The following TMEM132D variants were observed in gnomAD, a reference collection of about 807,000 sequenced individuals.
The protein encoded by TMEM132D is transmembrane protein 132D.
TMEM132D carries 21 observed loss-of-function variants against 62.3 expected under a neutral mutation model. That is an observed-to-expected ratio of 0.34 (90% confidence interval 0.24 to 0.49). The LOEUF (loss-of-function observed/expected upper bound fraction) is 0.49, where lower values mean the gene tolerates loss of function less well. Among genes scored for constraint, TMEM132D ranks in the 20% least tolerant of loss-of-function variants. The probability of loss-of-function intolerance (pLI) is 0.99; values close to 1 mark genes in which losing one functional copy is unlikely to be tolerated. For synonymous variants in TMEM132D, 621 were observed against 575.6 expected, an observed-to-expected ratio of 1.08 and a Z score of -1.13; for missense variants, 1,346 against 1,402.8, an observed-to-expected ratio of 0.96 and a Z score of 0.65.
intron 5 of TMEM132D, among the ~76,000 whole-genome samples, chr12:129,140,212 T>TA (rs1876698295): frequency 4.4e-5 from 2 of 45,048 alleles, no homozygotes; most frequent in African/African-American, 1.4e-4. Context: ...TAGGCGCTGT[T>TA]ACCACACACA....
chr12:129,135,495 C>T (rs754999665), intron 5 of TMEM132D, among the ~76,000 whole-genome samples: 9 of 152,282 alleles, frequency 5.9e-5, no homozygotes, highest in East Asian at 5.8e-4. Flanking sequence ...GGTTAGCAAT[C>T]GCTGGCACAA....
intron 3 of TMEM132D, among the ~76,000 whole-genome samples, chr12:129,375,921 G>A (rs1048138421): frequency 1.3e-5 from 2 of 152,114 alleles, no homozygotes; most frequent in Admixed American, 6.5e-5. Flanking sequence ...ATTTTAAATC[G>A]ATCTGGACTA....
chr12:129,244,042 C>A (rs1251823000), intron 4 of TMEM132D, among the ~76,000 whole-genome samples: 1 of 152,110 alleles, frequency 6.6e-6, no homozygotes, highest in Non-Finnish European at 1.5e-5. Flanking sequence ...GATAGTCATT[C>A]TTCCAAGGAC....
At chr12:129,405,033 A>G (rs1042084709) in intron 3 of TMEM132D, among the ~76,000 whole-genome samples, 1 of 152,232 alleles carries the variant, frequency 6.6e-6, no homozygotes, top group Non-Finnish European at 1.5e-5. Context: ...GGACTCCTCC[A>G]TGTATATCTT....
intron 4 of TMEM132D, among the ~76,000 whole-genome samples, chr12:129,335,427 C>A (rs915333853): frequency 6.6e-6 from 1 of 152,042 alleles, no homozygotes; most frequent in Non-Finnish European, 1.5e-5. Flanking sequence ...CATGAGCCAC[C>A]GCACCTAGTC....
At chr12:129,186,015 CAG>C (rs1333463838) in intron 5 of TMEM132D, among the ~76,000 whole-genome samples, 2 of 152,150 alleles carry the variant, frequency 1.3e-5, no homozygotes, top group African/African-American at 4.8e-5. Flanking sequence ...AGGGTTGCAC[CAG>C]AGAGTCAGAA....
At chr12:129,404,197 G>GTTT (rs141807510) in intron 3 of TMEM132D, among the ~76,000 whole-genome samples, 12 of 151,586 alleles carry the variant, frequency 7.9e-5, no homozygotes, top group Non-Finnish European at 1.6e-4. Context: ...GGGTTATTTA[G>GTTT]TTATTTATTT....
At chr12:129,248,118 T>A (rs1369578746) in intron 4 of TMEM132D, among the ~76,000 whole-genome samples, 1 of 152,216 alleles carries the variant, frequency 6.6e-6, no homozygotes, top group Non-Finnish European at 1.5e-5. Flanking sequence ...TATCTAATAA[T>A]TCTCAGTAAT....
At chr12:129,129,948 C>T (rs1052895145) in intron 5 of TMEM132D, among the ~76,000 whole-genome samples, 2 of 151,442 alleles carry the variant, frequency 1.3e-5, no homozygotes, top group Admixed American at 6.6e-5. Flanking sequence ...CCTAGCCCAA[C>T]CTATTCTTTG....
At chr12:129,162,649 C>T (rs982842868) in intron 5 of TMEM132D, among the ~76,000 whole-genome samples, 2 of 151,972 alleles carry the variant, frequency 1.3e-5, no homozygotes, top group African/African-American at 4.8e-5. Flanking sequence ...ACATGAGATC[C>T]AGTCATTTGA....
chr12:129,158,237 G>T (rs1877300377), intron 5 of TMEM132D, among the ~76,000 whole-genome samples: 1 of 152,176 alleles, frequency 6.6e-6, no homozygotes, highest in African/African-American at 2.4e-5. Flanking sequence ...GAATACACAT[G>T]TACATTAGAC....
intron 2 of TMEM132D, among the ~76,000 whole-genome samples, chr12:129,662,095 G>A (rs1006694594): frequency 2.6e-5 from 4 of 152,162 alleles, no homozygotes; most frequent in Admixed American, 2.6e-4. Flanking sequence ...ACATACTCTG[G>A]GTCTTAAATC....
At chr12:129,274,044 T>C (rs1566018925) in intron 4 of TMEM132D, among the ~76,000 whole-genome samples, 2 of 151,972 alleles carry the variant, frequency 1.3e-5, no homozygotes, top group East Asian at 1.9e-4. Flanking sequence ...GTTAAGAAGA[T>C]ACATTCTCTT....
chr12:129,501,458 T>C (rs1875137645), intron 3 of TMEM132D, among the ~76,000 whole-genome samples: 2 of 152,176 alleles, frequency 1.3e-5, no homozygotes, highest in Non-Finnish European at 1.5e-5. Context: ...AATATCCTCA[T>C]AGAAATACAT....
At chr12:129,648,140 C>T (rs1879834055) in intron 2 of TMEM132D, among the ~76,000 whole-genome samples, 1 of 152,164 alleles carries the variant, frequency 6.6e-6, no homozygotes, top group Admixed American at 6.5e-5. Context: ...TTCCCAATCG[C>T]TCCTATGGAT....
chr12:129,896,050 A>G (rs1333970590), intron 1 of TMEM132D, among the ~76,000 whole-genome samples: 3 of 150,348 alleles, frequency 2.0e-5, no homozygotes, highest in Non-Finnish European at 4.4e-5. Context: ...GCTCACTGCA[A>G]CCTCCACCAT....
intron 1 of TMEM132D, among the ~76,000 whole-genome samples, chr12:129,798,324 C>T (rs73431505): frequency 0.081 from 12,364 of 152,142 alleles, 629 homozygotes; most frequent in African/African-American, 0.13. Context: ...AGGTCTTTCT[C>T]AATAGTTTAG....
At chr12:129,476,403 C>T (rs977935715) in intron 3 of TMEM132D, among the ~76,000 whole-genome samples, 5 of 152,160 alleles carry the variant, frequency 3.3e-5, no homozygotes, top group East Asian at 1.9e-4. Context: ...AATATCATTG[C>T]GGACCCACTG....
At chr12:129,322,512 G>A (rs1024822195) in intron 4 of TMEM132D, among the ~76,000 whole-genome samples, 1 of 151,816 alleles carries the variant, frequency 6.6e-6, no homozygotes, top group East Asian at 1.9e-4. Context: ...AAGACATTCC[G>A]TTTATTTTGT....
Sources: allele counts gnomAD v4.1 joint callset (sites outside exome capture counted in the v4.1 genomes callset), GRCh38; gene constraint gnomAD v4.1.1; transcripts MANE v1.5; gene names NCBI Gene and HGNC (gene_info 2026-07-23, HGNC 2026-07-21).